The following BIRC6 variants were observed in gnomAD, a reference collection of about 807,000 sequenced individuals.
BIRC6 encodes baculoviral IAP repeat containing 6, also known as dual E2 ubiquitin-conjugating enzyme/E3 ubiquitin-protein ligase BIRC6.
A neutral mutation model predicts 503.3 loss-of-function variants in BIRC6; 98 were observed. The ratio of observed to expected loss-of-function variants is 0.19; its 90% CI spans 0.17 to 0.23. The LOEUF is 0.23. Ranked by LOEUF, BIRC6 falls within the 10% of genes least tolerant of loss-of-function variation. The pLI is 1.00. For missense variants in BIRC6, 5,360 were observed against 5,806.0 expected, an observed-to-expected ratio of 0.92 and a Z score of 2.50; for synonymous variants, 2,240 against 2,078.7, an observed-to-expected ratio of 1.08 and a Z score of -2.11.
chr2:32,610,463 CAG>C (rs1225436324), intron 72 of BIRC6, among the ~76,000 whole-genome samples: 1 of 152,120 alleles, frequency 6.6e-6, no homozygotes, highest in African/African-American at 2.4e-5. Flanking sequence ...ATAAATTAAA[CAG>C]AAGATAAAAT....
chr2:32,545,645 C>G lies in BIRC6; in HGVS notation c.12595C>G (p.His4199Asp). ...LGVTDDGEGS[H>D]ILQSPSANVL... ...GTCCTCTTCTTTCTTCAATCTAGGT[C>G]ATATTCTTCAATCTCCATCAGCCAA... The change falls in exon 63 of 74, where the codon CAT (histidine) becomes GAT (aspartate). Residue 4199 changes from histidine to aspartate, a missense_variant and splice_region_variant. Transcript: ENST00000421745. 1.2e-6 allele frequency: 2 copies of G among 1,611,240 alleles called. No individual in the cohort carries two copies. Among genetic ancestry groups the G allele is most frequent in the Non-Finnish European group, 1.7e-6 (2 of 1,177,574 alleles).
At chr2:32,615,261 G>A (rs1465230923) in intron 73 of BIRC6, among the ~76,000 whole-genome samples, 2 of 152,108 alleles carry the variant, frequency 1.3e-5, no homozygotes, top group Admixed American at 1.3e-4. Flanking sequence ...ATCCAAACTA[G>A]ATCAATCCCC....
chr2:32,420,751 A>AC (rs1366656021), intron 10 of BIRC6, among the ~76,000 whole-genome samples: 1 of 152,074 alleles, frequency 6.6e-6, no homozygotes, highest in Non-Finnish European at 1.5e-5. Flanking sequence ...ACCTCAAGTG[A>AC]TTCACCTGCA....
chr2:32,375,405 A>G (rs972306429), intron 1 of BIRC6, among the ~76,000 whole-genome samples: 4 of 152,128 alleles, frequency 2.6e-5, no homozygotes, highest in African/African-American at 9.7e-5. Flanking sequence ...GTGCTCCTGT[A>G]GTCCTAGCCA....
chr2:32,439,762 TA>T, intron 16 of BIRC6, 76 bp downstream of exon 16: 4 of 1,303,144 alleles, frequency 3.1e-6, no homozygotes, highest in Non-Finnish European at 4.2e-6. Flanking sequence ...CTATTAGAAG[TA>T]GTATGACCTT....
intron 8 of BIRC6, among the ~76,000 whole-genome samples, chr2:32,402,048 G>A (rs1420803070): frequency 6.6e-6 from 1 of 152,120 alleles, no homozygotes; most frequent in Non-Finnish European, 1.5e-5. Context: ...AATAATAATG[G>A]GATGACCTGA....
intron 36 of BIRC6, 87 bp from the exon 37 acceptor site, chr2:32,479,375 T>C (rs1326037699): frequency 1.6e-6 from 2 of 1,276,228 alleles, no homozygotes; most frequent in African/African-American, 3.0e-5. Context: ...ATTCTGTCAG[T>C]GACTAAACTG....
intron 4 of BIRC6, among the ~76,000 whole-genome samples, chr2:32,390,944 GCAGACTATCA>G (rs1326229736): frequency 6.6e-6 from 1 of 152,204 alleles, no homozygotes; most frequent in Non-Finnish European, 1.5e-5. Context: ...TGGGCAACAT[GCAGACTATCA>G]TTTTTAATCA....
intron 59 of BIRC6, chr2:32,528,751 C>CT (rs1191694975): frequency 1.3e-5 from 2 of 151,978 alleles, no homozygotes; most frequent in Non-Finnish European, 2.9e-5. Context: ...ATAGTGACAC[C>CT]TTTGCTTTCT....
intron 16 of BIRC6, 84 bp downstream of exon 16, chr2:32,439,770 C>A: frequency 8.2e-7 from 1 of 1,223,938 alleles, no homozygotes; most frequent in Non-Finnish European, 1.1e-6. Context: ...AGTAGTATGA[C>A]CTTTCAGTGA....
At position 32,499,888 on chromosome 2, in the gene BIRC6, A is replaced by G; in HGVS notation, c.8810A>G (p.Asn2937Ser). 1 of 1,614,050 alleles carries G rather than the reference A, an allele frequency of 6.2e-7. No homozygotes were observed. The highest frequency in any genetic ancestry group is 8.5e-7 in the Non-Finnish European group (1 of 1,179,884). ...NILVQLPLSG[N>S]REYSARVSVT... Reference sequence around the variant, plus strand: ...TTAGTGCAGCTGCCTCTTTCAGGCAATAGGGAATACAGTGCAAGAGTGTCT... The same window carrying G: ...TTAGTGCAGCTGCCTCTTTCAGGCAGTAGGGAATACAGTGCAAGAGTGTCT... Residue 2937 changes from asparagine (N) to serine (S), a missense_variant, in exon 46 of 74, where the codon AAT becomes AGT. This residue lies in a region of BIRC6 where 2,299 missense variants were observed against 2,267.2 expected (regional missense o/e 1.01). Transcript: ENST00000421745.
At chr2:32,590,884 C>T in intron 66 of BIRC6, 1 of 985,830 alleles carries the variant, frequency 1.0e-6, no homozygotes, top group Non-Finnish European at 1.2e-6. Context: ...TTGCTTTTAC[C>T]ATGTTGGATC....
Position 32,508,049 on chromosome 2 carries a change from T to C in BIRC6, c.9770T>C (p.Val3257Ala), listed in dbSNP as rs1277715216. ...GVNMLPLSTP[V>A]VTSGLTYIKI... ...AATATGCTACCTTTGTCCACTCCTG[T>C]TGTCACAAGTGGCCTCACCTACATA... Residue 3257 changes from valine to alanine, a missense_variant, in exon 51 of 74, where the codon GTT becomes GCT. Val to Ala is a moderately conservative substitution (Grantham distance 64). This residue lies in a region of BIRC6 where 62 missense variants were observed against 107.4 expected (regional missense o/e 0.58). Transcript: ENST00000421745. The C allele has an allele frequency of 6.2e-7, 1 of 1,613,792 alleles. No individual in the cohort carries two copies. The highest frequency in any genetic ancestry group is 8.5e-7 in the Non-Finnish European group (1 of 1,179,858).
At chr2:32,485,363 G>C (rs2050876759) in intron 39 of BIRC6, among the ~76,000 whole-genome samples, 1 of 152,164 alleles carries the variant, frequency 6.6e-6, no homozygotes, top group Non-Finnish European at 1.5e-5. Flanking sequence ...TTCTGACAGT[G>C]AGAAACCTGG....
chr2:32,410,857 C>A (rs1277139757), intron 9 of BIRC6, among the ~76,000 whole-genome samples: 1 of 151,920 alleles, frequency 6.6e-6, no homozygotes, highest in Non-Finnish European at 1.5e-5. Flanking sequence ...CCCGCCAGCA[C>A]GCCCGGCTAA....
In BIRC6 at chr2:32,524,897, G is replaced by T. The variant is rs1302864189; in HGVS notation, c.11633G>T (p.Ser3878Ile). The change falls in exon 58 of 74, where the codon AGT (serine) becomes ATT (isoleucine). Residue 3878 changes from serine (S) to isoleucine (I), a missense_variant. Around this residue, in one of 16 missense-constraint regions of BIRC6, gnomAD observed 878 missense variants for 928.9 expected, o/e 0.95. Transcript: ENST00000421745. ...DVLDRVSDTP[S>I]ITAKLISEQK... is the part of the protein sequence containing the mutation. ...TAATATCTTCTTACAGATACTCCAAGTATCACAGCTAAATTAATTAGTGAA... is the reference window on the plus strand; with the variant it reads ...TAATATCTTCTTACAGATACTCCAATTATCACAGCTAAATTAATTAGTGAA... 7 of 1,471,302 alleles carry T rather than the reference G, an allele frequency of 4.8e-6. No individual in the cohort carries two copies. The South Asian group carries it at 9.5e-5, about 20-fold the overall frequency. The allele number at this position is 1,471,302 out of a possible 1,614,324, so 91.1% of individuals were successfully genotyped here.
intron 65 of BIRC6, chr2:32,564,586 T>A (rs1431975300): frequency 6.6e-6 from 1 of 152,238 alleles, no homozygotes; most frequent in Non-Finnish European, 1.5e-5. Flanking sequence ...TGCATTTCTT[T>A]GATGACTAAG....
In BIRC6 at chr2:32,594,072, T is replaced by C. The variant is rs755526921; in HGVS notation, c.13501+12T>C. 6.3e-7 allele frequency: 1 copy of C among 1,598,422 alleles called. No homozygotes were observed. The highest frequency in any genetic ancestry group is 1.1e-5 in the South Asian group (1 of 87,216). On this transcript the variant is annotated intron_variant, in intron 67 of 73. Coordinates refer to ENST00000421745, the MANE Select transcript of BIRC6 (RefSeq NM_016252.4). ...GCAAGCAAATCAGGGTACAAAACTT[T>C]TCCTATTATGCCACTTTTCATTTGA...
chr2:32,593,579 G>A (rs1017380167), intron 66 of BIRC6, among the ~76,000 whole-genome samples: 4 of 152,020 alleles, frequency 2.6e-5, no homozygotes, highest in Non-Finnish European at 4.4e-5. Context: ...ACTGCTTGTG[G>A]TCCTTTAATT....
Sources: gnomAD v4.1 joint callset for allele counts (sites outside exome capture counted in the v4.1 genomes callset) on GRCh38, gnomAD v4.1.1 for gene constraint, gnomAD v4.1.1 regional missense constraint, MANE v1.5 for transcripts, NCBI Gene and HGNC (gene_info 2026-07-23, HGNC 2026-07-21) for gene names.